Variants in FOXP2 observed in about 807,000 individuals in gnomAD.
FOXP2 encodes forkhead box protein P2.
In FOXP2, 12 loss-of-function variants were observed where a neutral mutation model predicts 115.8. The observed-to-expected ratio is 0.10, with a 90% CI of 0.07 to 0.17. FOXP2 has a LOEUF of 0.17. Ranked by LOEUF, FOXP2 falls within the 10% of genes least tolerant of loss-of-function variation. FOXP2 has a pLI of 1.00. For missense variants in FOXP2, 629 were observed against 843.5 expected, an observed-to-expected ratio of 0.75 and a Z score of 3.15; for synonymous variants, 328 against 297.7, an observed-to-expected ratio of 1.10 and a Z score of -1.05.
intron 1 of FOXP2, 105 bp from the exon 2 acceptor site, chr7:114,426,397 C>T: frequency 9.5e-7 from 1 of 1,054,842 alleles, no homozygotes; most frequent in Non-Finnish European, 1.4e-6. Context: ...TTTTCTTCCC[C>T]CTCTTCTAAA....
At chr7:114,578,372 G>A (rs1008867035) in intron 3 of FOXP2, among the ~76,000 whole-genome samples, 3 of 151,882 alleles carry the variant, frequency 2.0e-5, no homozygotes, top group African/African-American at 7.2e-5. Flanking sequence ...ATCCTATATG[G>A]ACTGATAGTG....
At chr7:114,460,466 A>T (rs554779559) in intron 2 of FOXP2, among the ~76,000 whole-genome samples, 1 of 152,316 alleles carries the variant, frequency 6.6e-6, no homozygotes, top group South Asian at 2.1e-4. Context: ...TGCAATGTAA[A>T]TATGTTATCA....
chr7:114,386,382 G>T (rs1293871834), intron 2 of FOXP2, among the ~76,000 whole-genome samples: 2 of 152,124 alleles, frequency 1.3e-5, no homozygotes, highest in Non-Finnish European at 2.9e-5. Flanking sequence ...ACTTGATCTA[G>T]AAAAACAAAA....
intron 3 of FOXP2, among the ~76,000 whole-genome samples, chr7:114,587,584 C>G (rs1051686876): frequency 6.6e-6 from 1 of 151,784 alleles, no homozygotes; most frequent in Admixed American, 6.6e-5. Context: ...TTTCATTATT[C>G]GTATTAAGTT....
At chr7:114,151,853 A>G (rs1160359938) in intron 1 of FOXP2, among the ~76,000 whole-genome samples, 2 of 152,132 alleles carry the variant, frequency 1.3e-5, no homozygotes, top group Non-Finnish European at 2.9e-5. Context: ...AAAACAAGTC[A>G]TTCCATTCAG....
At chr7:114,317,930 G>C (rs1182487761) in intron 2 of FOXP2, among the ~76,000 whole-genome samples, 1 of 151,944 alleles carries the variant, frequency 6.6e-6, no homozygotes, top group Non-Finnish European at 1.5e-5. Context: ...CCTCTGACTG[G>C]GTTGCTCTTC....
intron 2 of FOXP2, among the ~76,000 whole-genome samples, chr7:114,498,631 T>C (rs1007430609): frequency 1.2e-4 from 19 of 152,210 alleles, no homozygotes; most frequent in Non-Finnish European, 1.5e-4. Context: ...TATCACAAAC[T>C]ATAAGTTATC....
chr7:114,402,160 G>C (rs1213111107), intron 2 of FOXP2, among the ~76,000 whole-genome samples: 2 of 151,956 alleles, frequency 1.3e-5, no homozygotes, highest in African/African-American at 4.8e-5. Flanking sequence ...AAAAGATATA[G>C]ATAAAATTAA....
At chr7:114,133,081 A>T (rs1173679790) in intron 1 of FOXP2, among the ~76,000 whole-genome samples, 1 of 152,192 alleles carries the variant, frequency 6.6e-6, no homozygotes, top group East Asian at 1.9e-4. Flanking sequence ...CAAGAGTAGT[A>T]ATAGTAATGA....
At position 114,397,829 on chromosome 7, in the gene FOXP2, A is replaced by G. The variant is rs1414915860; in HGVS notation, c.-10-28673A>G. Among the ~76,000 whole-genome samples the G allele has an allele frequency of 2.0e-5, 3 of 152,166 alleles. No homozygotes were observed. The East Asian group carries it at 5.8e-4, about 29-fold the overall frequency. ...TAGCAGGGCTAACAATTAGGAGGTA[A>G]TTTATTAGGTCAGACCAGAGATGGT... On this transcript the variant is annotated intron_variant, in intron 2 of 17. Transcript: ENST00000634411.
At chr7:114,509,273 TG>T (rs1797962253) in intron 2 of FOXP2, among the ~76,000 whole-genome samples, 1 of 151,234 alleles carries the variant, frequency 6.6e-6, no homozygotes. Flanking sequence ...TTTTTTTGTT[TG>T]TTTGTTTTTT....
chr7:114,628,796 G>A (rs1196090928), intron 4 of FOXP2, 119 bp downstream of exon 4: 17 of 1,195,490 alleles, frequency 1.4e-5, no homozygotes, highest in Middle Eastern at 2.3e-4. Flanking sequence ...ACCTATTAGC[G>A]TGCTAGAACA....
intron 1 of FOXP2, among the ~76,000 whole-genome samples, chr7:114,168,211 A>G (rs1031060551): frequency 6.6e-6 from 1 of 152,200 alleles, no homozygotes; most frequent in African/African-American, 2.4e-5. Context: ...TGTGGAAGTT[A>G]TTTTGGAACT....
intron 1 of FOXP2, among the ~76,000 whole-genome samples, chr7:114,232,996 G>C (rs1462180969): frequency 1.3e-5 from 2 of 152,092 alleles, no homozygotes; most frequent in Non-Finnish European, 2.9e-5. Context: ...TAGCATGGTG[G>C]GTGCAGGAGC....
At chr7:114,655,058 A>T (rs1317560187) in intron 10 of FOXP2, among the ~76,000 whole-genome samples, 1 of 152,124 alleles carries the variant, frequency 6.6e-6, no homozygotes, top group Non-Finnish European at 1.5e-5. Flanking sequence ...AGGAAGAAAA[A>T]AGACATGTAT....
chr7:114,534,845 C>A, intron 3 of FOXP2, 139 bp downstream of exon 3: 1 of 709,586 alleles, frequency 1.4e-6, no homozygotes. Flanking sequence ...AAAGAGAATT[C>A]ATTTTATCTT....
At chr7:114,122,216 A>G (rs1791584713) in intron 1 of FOXP2, among the ~76,000 whole-genome samples, 1 of 152,110 alleles carries the variant, frequency 6.6e-6, no homozygotes, top group African/African-American at 2.4e-5. Flanking sequence ...TTAAATATGA[A>G]ACTACCTCCC....
chr7:114,565,590 G>C (rs1800978821), intron 3 of FOXP2, among the ~76,000 whole-genome samples: 1 of 152,054 alleles, frequency 6.6e-6, no homozygotes, highest in South Asian at 2.1e-4. Context: ...TTAAGTTTGG[G>C]AACCTGTATA....
intron 3 of FOXP2, among the ~76,000 whole-genome samples, chr7:114,623,870 A>G (rs1312251061): frequency 1.3e-5 from 2 of 151,836 alleles, no homozygotes; most frequent in East Asian, 1.9e-4. Flanking sequence ...CTGTCACACT[A>G]TTTCCCTGCT....
Sources: gnomAD v4.1 joint callset for allele counts (sites outside exome capture counted in the v4.1 genomes callset) on GRCh38, gnomAD v4.1.1 for gene constraint, MANE v1.5 for transcripts, NCBI Gene and HGNC (gene_info 2026-07-23, HGNC 2026-07-21) for gene names.